IL1RAPL1: variants seen among roughly 807,000 people sequenced by gnomAD.
The protein encoded by IL1RAPL1 is interleukin-1 receptor accessory protein-like 1.
IL1RAPL1 carries 3 observed loss-of-function variants against 48.4 expected under a neutral mutation model. The observed-to-expected ratio is 0.06, with a 90% CI of 0.03 to 0.16. The LOEUF is 0.16. Ranked by LOEUF, IL1RAPL1 falls within the 10% of genes least tolerant of loss-of-function variation. IL1RAPL1 has a pLI of 1.00. For missense variants in IL1RAPL1, 349 were observed against 530.6 expected, an observed-to-expected ratio of 0.66 and a Z score of 3.36; for synonymous variants, 185 against 187.7, an observed-to-expected ratio of 0.99 and a Z score of 0.12.
At chrX:29,622,729 A>G (rs752619268) in intron 5 of IL1RAPL1, among the ~76,000 whole-genome samples, 1 of 111,429 alleles carries the variant, frequency 9.0e-6, no homozygotes, top group Non-Finnish European at 1.9e-5. Context: ...ATCAAATATT[A>G]TATTTATAAT....
chrX:28,926,922 C>T (rs1923757970), intron 2 of IL1RAPL1, among the ~76,000 whole-genome samples: 1 of 111,322 alleles, frequency 9.0e-6, no homozygotes, highest in South Asian at 3.8e-4. Context: ...GATGGAATCT[C>T]CCTCTGTTGC....
intron 2 of IL1RAPL1, among the ~76,000 whole-genome samples, chrX:29,028,142 A>G (rs1460794946): frequency 2.7e-5 from 3 of 110,647 alleles, no homozygotes; most frequent in Admixed American, 9.7e-5. Flanking sequence ...TTAAGAATAC[A>G]ATACATTGTT....
Position 29,775,115 on chromosome X carries a change from A to T in IL1RAPL1, c.778+106611A>T, listed in dbSNP as rs142794694. 7.7e-4 allele frequency among the ~76,000 whole-genome samples: 86 copies of T among 111,881 alleles called. 2 individuals carry two copies. In the East Asian group the frequency reaches 0.022, roughly 29 times the overall value. On this transcript the variant is annotated intron_variant, in intron 6 of 10. Coordinates refer to ENST00000378993, the MANE Select transcript of IL1RAPL1 (RefSeq NM_014271.4). ...AAAGACTTTGGTGGGAATTGTGAGC[A>T]GAGAATTGGGGCATTTTCAAGGGCT...
intron 1 of IL1RAPL1, among the ~76,000 whole-genome samples, chrX:28,766,870 T>C (rs1389388243): frequency 1.8e-5 from 2 of 110,716 alleles, no homozygotes; most frequent in Middle Eastern, 4.2e-3. Context: ...AATGACAAGA[T>C]CTCTTTTTTT....
At chrX:28,735,148 A>G (rs997531930) in intron 1 of IL1RAPL1, among the ~76,000 whole-genome samples, 13 of 111,897 alleles carry the variant, frequency 1.2e-4, no homozygotes, top group African/African-American at 3.9e-4. Flanking sequence ...GAATTGGTAT[A>G]GCACTTATTT....
intron 2 of IL1RAPL1, among the ~76,000 whole-genome samples, chrX:29,207,788 G>T (rs1307144026): frequency 1.8e-5 from 2 of 111,728 alleles, no homozygotes; most frequent in Non-Finnish European, 3.8e-5. Flanking sequence ...CAAAAATAAA[G>T]AGTGAACTAC....
chrX:28,841,629 G>T (rs763384710), intron 2 of IL1RAPL1, among the ~76,000 whole-genome samples: 11 of 110,349 alleles, frequency 1.0e-4, no homozygotes, highest in Non-Finnish European at 1.9e-4. Context: ...TGCACCTTTG[G>T]TACACATCAT....
At chrX:29,865,636 C>CTTTTTTTTTTTTTTTTTTTTTT (rs1171882981) in intron 6 of IL1RAPL1, among the ~76,000 whole-genome samples, 1 of 76,343 alleles carries the variant, frequency 1.3e-5, no homozygotes, top group Non-Finnish European at 2.5e-5. Context: ...CTTTTCTTTT[C>CTTTTTTTTTTTTTTTTTTTTTT]TTTTTTTTTT....
chrX:29,045,261 A>G (rs1926929556), intron 2 of IL1RAPL1, among the ~76,000 whole-genome samples: 1 of 111,917 alleles, frequency 8.9e-6, no homozygotes, highest in Admixed American at 9.5e-5. Flanking sequence ...TTCAACTGCA[A>G]GCGTCTCTGG....
rs1488182134 is a variant in IL1RAPL1 at position 28,746,389 on chromosome X, A to G, written c.-24-42931A>G. Among the ~76,000 whole-genome samples the G allele has an allele frequency of 3.6e-5, 4 of 111,921 alleles. No homozygotes were observed. The Admixed American group carries it at 3.8e-4, about 11-fold the overall frequency. On this transcript the variant is annotated intron_variant, in intron 1 of 10. Coordinates refer to ENST00000378993, the MANE Select transcript of IL1RAPL1 (RefSeq NM_014271.4). ...AAAACTCTTTACCATAAGCGGTAGA[A>G]TGGGTTGAAAATATAAATAGTTTCA...
chrX:29,358,559 A>G (rs775869175), intron 3 of IL1RAPL1, among the ~76,000 whole-genome samples: 2 of 110,667 alleles, frequency 1.8e-5, no homozygotes, highest in East Asian at 5.6e-4. Context: ...TATATTATTT[A>G]TAATTGACAA....
chrX:29,551,770 C>G (rs1023013767), intron 5 of IL1RAPL1, among the ~76,000 whole-genome samples: 4 of 109,987 alleles, frequency 3.6e-5, no homozygotes, highest in African/African-American at 1.3e-4. Context: ...CTCAAGGTCT[C>G]TCTTTCACCC....
intron 1 of IL1RAPL1, among the ~76,000 whole-genome samples, chrX:28,742,341 A>T (rs1935919222): frequency 9.0e-6 from 1 of 111,721 alleles, no homozygotes; most frequent in African/African-American, 3.2e-5. Context: ...AAATAAGGAG[A>T]CAATATATCT....
intron 5 of IL1RAPL1, among the ~76,000 whole-genome samples, chrX:29,432,477 A>G (rs1934433303): frequency 9.0e-6 from 1 of 111,451 alleles, no homozygotes. Context: ...CTCTCCCTAC[A>G]CAAAGTCCTC....
At chrX:29,184,064 A>T (rs1190704122) in intron 2 of IL1RAPL1, among the ~76,000 whole-genome samples, 1 of 112,049 alleles carries the variant, frequency 8.9e-6, no homozygotes, top group Non-Finnish European at 1.9e-5. Flanking sequence ...GCTTTGTGTT[A>T]TTCCTCTAGT....
At chrX:28,834,677 A>T (rs1921159995) in intron 2 of IL1RAPL1, among the ~76,000 whole-genome samples, 1 of 111,617 alleles carries the variant, frequency 9.0e-6, no homozygotes, top group Non-Finnish European at 1.9e-5. Flanking sequence ...AGTACTGTAC[A>T]TGTTTCATTC....
intron 5 of IL1RAPL1, among the ~76,000 whole-genome samples, chrX:29,533,020 CAT>C (rs1395508554): frequency 8.9e-6 from 1 of 112,084 alleles, no homozygotes; most frequent in Non-Finnish European, 1.9e-5. Context: ...AGCCTAGAGA[CAT>C]AACAGTCTAA....
At chrX:29,518,628 A>T (rs757617433) in intron 5 of IL1RAPL1, among the ~76,000 whole-genome samples, 1 of 111,693 alleles carries the variant, frequency 9.0e-6, no homozygotes, top group South Asian at 3.8e-4. Context: ...AGTGTGCCTG[A>T]CAAGGAGGTC....
intron 6 of IL1RAPL1, among the ~76,000 whole-genome samples, chrX:29,829,121 A>G (rs1002601451): frequency 9.3e-4 from 98 of 105,599 alleles, no homozygotes; most frequent in African/African-American, 3.3e-3. Flanking sequence ...AGGAAATGAC[A>G]AGAGTTATGA....
Sources: gnomAD v4.1 joint callset for allele counts (sites outside exome capture counted in the v4.1 genomes callset) on GRCh38, gnomAD v4.1.1 for gene constraint, MANE v1.5 for transcripts, NCBI Gene and HGNC (gene_info 2026-07-23, HGNC 2026-07-21) for gene names.